Variants in LYPLAL1 observed in about 807,000 individuals in gnomAD.
The protein encoded by LYPLAL1 is lysophospholipase like 1, also known as lysophospholipase-like protein 1.
LYPLAL1 carries 23 observed loss-of-function variants against 19.7 expected under a neutral mutation model. That is an observed-to-expected ratio of 1.17 (90% CI 0.84 to 1.65). The LOEUF is 1.65. Among genes scored for constraint, LYPLAL1 ranks in the 40% most tolerant of loss-of-function variants. The pLI is 0.00. For missense variants in LYPLAL1, 355 were observed against 279.4 expected (o/e 1.27, Z -1.93); for synonymous variants, 119 against 96.3 (o/e 1.24, Z -1.38).
chr1:219,320,065 G>A, the LYPLAL1 span, among the ~76,000 whole-genome samples: 10 of 152,144 alleles, frequency 6.6e-5, no homozygotes, highest in Non-Finnish European at 1.2e-4. Context: ...AACACAATAC[G>A]CAAGACAGAA....
the LYPLAL1 span, among the ~76,000 whole-genome samples, chr1:219,302,030 G>A: frequency 2.6e-5 from 4 of 152,102 alleles, no homozygotes; most frequent in Non-Finnish European, 5.9e-5. Context: ...ATTAGAAAAA[G>A]GAACTTCTGG....
At chr1:219,399,229 G>C in the LYPLAL1 span, among the ~76,000 whole-genome samples, 1 of 152,166 alleles carries the variant, frequency 6.6e-6, no homozygotes. Flanking sequence ...TTGGCACAGG[G>C]TTGGGGCACT....
chr1:219,223,940 C>CT, the LYPLAL1 span, among the ~76,000 whole-genome samples: 1 of 152,090 alleles, frequency 6.6e-6, no homozygotes, highest in Non-Finnish European at 1.5e-5. Context: ...AAAAATCACT[C>CT]TGTTTCCATT....
intron 2 of LYPLAL1, among the ~76,000 whole-genome samples, chr1:219,186,610 A>C (rs978638078): frequency 1.1e-4 from 16 of 151,760 alleles, no homozygotes; most frequent in African/African-American, 3.6e-4. Context: ...GTGTTTAATA[A>C]AAATATAGTA....
At chr1:219,228,503 A>G in the LYPLAL1 span, among the ~76,000 whole-genome samples, 3 of 151,642 alleles carry the variant, frequency 2.0e-5, no homozygotes, top group African/African-American at 7.3e-5. Flanking sequence ...TCAAGTAAAT[A>G]TGATTTTTTT....
chr1:219,393,256 G>A, the LYPLAL1 span, among the ~76,000 whole-genome samples: 134 of 152,328 alleles, frequency 8.8e-4, 1 homozygote, highest in East Asian at 0.023. Context: ...GGGCCACCAG[G>A]TGCAAGGCAG....
At chr1:219,206,584 T>C (rs934993859) in intron 3 of LYPLAL1, among the ~76,000 whole-genome samples, 1 of 152,086 alleles carries the variant, frequency 6.6e-6, no homozygotes, top group Non-Finnish European at 1.5e-5. Context: ...AGATTAAATC[T>C]TAAAATAATA....
the LYPLAL1 span, among the ~76,000 whole-genome samples, chr1:219,301,399 T>A: frequency 1.3e-5 from 2 of 152,184 alleles, no homozygotes; most frequent in African/African-American, 4.8e-5. Context: ...TTTCAAGCTA[T>A]CTAGAAATAA....
chr1:219,237,133 A>C, the LYPLAL1 span, among the ~76,000 whole-genome samples: 2 of 152,244 alleles, frequency 1.3e-5, no homozygotes, highest in African/African-American at 4.8e-5. Context: ...TCAGCTCAGC[A>C]CAAATGAATA....
At chr1:219,355,819 G>GA in the LYPLAL1 span, among the ~76,000 whole-genome samples, 10,356 of 151,384 alleles carry the variant, frequency 0.068, 493 homozygotes, top group South Asian at 0.14. Context: ...AAAGATACCT[G>GA]AAAAAAAACC....
chr1:219,368,560 G>A, the LYPLAL1 span, among the ~76,000 whole-genome samples: 1 of 152,184 alleles, frequency 6.6e-6, no homozygotes, highest in African/African-American at 2.4e-5. Flanking sequence ...ACACAGCGAA[G>A]GAGGGCTCTG....
chr1:219,314,098 G>A, the LYPLAL1 span, among the ~76,000 whole-genome samples: 2 of 152,194 alleles, frequency 1.3e-5, no homozygotes, highest in Non-Finnish European at 2.9e-5. Flanking sequence ...CTGTTCTGGT[G>A]TCAGTTTTCT....
chr1:219,418,933 T>G, the LYPLAL1 span, among the ~76,000 whole-genome samples: 8 of 152,354 alleles, frequency 5.3e-5, no homozygotes, highest in Middle Eastern at 3.4e-3. Context: ...CTTCTTTTAT[T>G]CAGTAATATG....
chr1:219,424,604 C>T, the LYPLAL1 span, among the ~76,000 whole-genome samples: 3 of 152,288 alleles, frequency 2.0e-5, no homozygotes, highest in Non-Finnish European at 2.9e-5. Flanking sequence ...CCAGAAATAA[C>T]ACATGTCCTG....
intron 3 of LYPLAL1, among the ~76,000 whole-genome samples, chr1:219,201,918 T>A (rs746477450): frequency 8.5e-5 from 13 of 152,240 alleles, no homozygotes; most frequent in Non-Finnish European, 4.4e-5. Flanking sequence ...TCAAGTCTTT[T>A]GTTGCAGTTT....
chr1:219,224,337 A>G, the LYPLAL1 span, among the ~76,000 whole-genome samples: 1 of 152,198 alleles, frequency 6.6e-6, no homozygotes, highest in Non-Finnish European at 1.5e-5. Context: ...AAGAGAAAAA[A>G]TATCAATTTC....
At chr1:219,229,776 A>G in the LYPLAL1 span, among the ~76,000 whole-genome samples, 1 of 152,312 alleles carries the variant, frequency 6.6e-6, no homozygotes, top group East Asian at 1.9e-4. Context: ...GAAACGAGCC[A>G]CACCCTCATC....
At chr1:219,421,898 GTTATT>G in the LYPLAL1 span, among the ~76,000 whole-genome samples, 1 of 152,188 alleles carries the variant, frequency 6.6e-6, no homozygotes, top group Non-Finnish European at 1.5e-5. Context: ...GTTACTCTTT[GTTATT>G]ATTCATCAAG....
chr1:219,282,889 CAG>C, the LYPLAL1 span, among the ~76,000 whole-genome samples: 1 of 151,868 alleles, frequency 6.6e-6, no homozygotes, highest in Non-Finnish European at 1.5e-5. Flanking sequence ...ATGATTACAG[CAG>C]AGTGTGTAGT....
Sources: gnomAD v4.1 joint callset for allele counts (sites outside exome capture counted in the v4.1 genomes callset) on GRCh38, gnomAD v4.1.1 for gene constraint, MANE v1.5 for transcripts, NCBI Gene and HGNC (gene_info 2026-07-23, HGNC 2026-07-21) for gene names.